Variants in PROB1 observed in about 807,000 individuals in gnomAD.
PROB1 encodes proline rich basic protein 1, also known as proline-rich basic protein 1.
For missense variants in PROB1, 1,453 were observed against 1,485.7 expected (o/e 0.98, Z 0.36); for synonymous variants, 660 against 699.3 (o/e 0.94, Z 0.89).
At position 139,394,717 on chromosome 5, in the gene PROB1, C is replaced by T; in HGVS notation, c.365G>A (p.Gly122Asp). Residue 122 changes from glycine (G) to aspartate (D), a missense_variant, in exon 1 of 1, where the codon GGC becomes GAC. Transcript: ENST00000434752. ...CTCGCGATCGTCTGCGCCGGAGCAG[C>T]CGAACAGGGGTCCGACGCCGAAGAT... ...EVIFGVGPLF[G>D]CSGADDREAQ... The T allele has an allele frequency of 1.3e-6, 2 of 1,532,622 alleles. No individual in the cohort carries two copies. The highest frequency in any genetic ancestry group is 1.7e-6 in the Non-Finnish European group (2 of 1,144,286). The allele number at this position is 1,532,622 out of a possible 1,614,324, so 94.9% of individuals were successfully genotyped here.
Position 139,392,528 on chromosome 5 carries a change from G to T in PROB1, c.2554C>A (p.Arg852Ser). The change falls in exon 1 of 1, where the codon CGC (arginine) becomes AGC (serine). Residue 852 changes from arginine to serine, a missense_variant. Coordinates refer to ENST00000434752, the MANE Select transcript of PROB1 (RefSeq NM_001161546.2). The surrounding 1 kb of genome is among the most constrained non-coding windows in gnomAD (Gnocchi z 5.8). Reference sequence around the variant, plus strand: ...TCCGTGGGAGGCGCCGAGGCAGCGCGGGGCTGGGCTGGGGCCGTCCTGCCC... The same window carrying T: ...TCCGTGGGAGGCGCCGAGGCAGCGCTGGGCTGGGCTGGGGCCGTCCTGCCC... ...LAGRTAPAQP[R>S]AASAPPTDRS... 7.4e-7 allele frequency: 1 copy of T among 1,344,620 alleles called. No individual in the cohort carries two copies. The highest frequency in any genetic ancestry group is 4.1e-5 in the Admixed American group (1 of 24,652). The allele number at this position is 1,344,620 out of a possible 1,614,324, so 83.3% of individuals were successfully genotyped here.
In PROB1 at chr5:139,392,300, G is replaced by A. The variant is rs1312319556; in HGVS notation, c.2782C>T (p.Arg928Cys). Residue 928 changes from arginine (R) to cysteine (C), a missense_variant, in exon 1 of 1, where the codon CGC (arginine) becomes TGC (cysteine). Coordinates refer to ENST00000434752, the MANE Select transcript of PROB1 (RefSeq NM_001161546.2). This position sits in a 1 kb window ranked among gnomAD's most constrained non-coding sequence, Gnocchi z 5.8. ...LPPSSPGPPH[R>C]VYTPLALGLG... is the part of the protein sequence containing the mutation. ...CCCAGGGCCAGAGGGGTGTAGACGC[G>A]GTGGGGCGGCCCGGGAGACGAGGGC... 5 of 1,480,314 alleles carry A rather than the reference G, an allele frequency of 3.4e-6. No individual in the cohort carries two copies. In the East Asian group the frequency reaches 8.1e-5, roughly 24 times the overall value. The allele number at this position is 1,480,314 out of a possible 1,614,324, so 91.7% of individuals were successfully genotyped here.
Position 139,394,215 on chromosome 5 carries a change from G to A in PROB1, c.867C>T (p.His289=). ...PETRETARST[H]VVLEKAKSRP... is the part of the protein sequence containing the mutation. ...GAGACTTAGCCTTCTCCAGGACCAC[G>A]TGGGTGCTGCGGGCCGTTTCCCGGG... The change falls in exon 1 of 1, where the codon CAC becomes CAT. Residue 289 remains histidine, a synonymous_variant. Coordinates refer to ENST00000434752, the MANE Select transcript of PROB1 (RefSeq NM_001161546.2). 2 of 1,548,770 alleles carry A rather than the reference G, an allele frequency of 1.3e-6. No individual in the cohort carries two copies. The highest frequency in any genetic ancestry group is 2.4e-5 in the East Asian group (1 of 40,832).
Position 139,390,649 on chromosome 5 carries a change from A to G in PROB1, c.*1385T>C, listed in dbSNP as rs2152076232. 1 of 152,296 alleles carries G rather than the reference A, an allele frequency of 6.6e-6. No individual in the cohort carries two copies. The highest frequency in any genetic ancestry group is 1.5e-5 in the Non-Finnish European group (1 of 68,006). 9.4% of individuals were successfully genotyped at this position (152,296 alleles called of 1,614,324 possible). ...ATTTATTACACACCAGGATGAGGTA[A>G]AGACACCTGGGGTGGCCCCAGGGCC... On this transcript the variant is annotated 3_prime_UTR_variant, in exon 1 of 1. Transcript: ENST00000434752.
chr5:139,394,761 C>A lies in PROB1; in HGVS notation c.321G>T (p.Pro107=), dbSNP rs1166597267. ...RPPQPQLRTL[P]SGEMEVIFGV... is the part of the protein sequence containing the mutation. ...CGAAGATGACTTCCATCTCCCCCGACGGCAGCGTGCGCAGCTGGGGCTGGG... is the reference window on the plus strand; with the variant it reads ...CGAAGATGACTTCCATCTCCCCCGAAGGCAGCGTGCGCAGCTGGGGCTGGG... Residue 107 remains proline, a synonymous_variant, in exon 1 of 1, where the codon CCG becomes CCT. Transcript: ENST00000434752. 1.3e-6 allele frequency: 2 copies of A among 1,532,472 alleles called. No homozygotes were observed. Among genetic ancestry groups the A allele is most frequent in the Non-Finnish European group, 1.8e-6 (2 of 1,141,776 alleles). The allele number at this position is 1,532,472 out of a possible 1,614,324, so 94.9% of individuals were successfully genotyped here. A position where few individuals can be genotyped will look rare whatever the true frequency, so the allele number is the denominator to read the frequency against.
chr5:139,393,099 G>C lies in PROB1; in HGVS notation c.1983C>G (p.Gly661=). The change falls in exon 1 of 1, where the codon GGC becomes GGG. Residue 661 remains glycine, a synonymous_variant. Transcript: ENST00000434752. ...CTGGCGGCTCTTGCGTCTTGGATTC[G>C]CCGCCCTCCTCCCCGCAGGGGTCGG... ...PPADPCGEEG[G]ESKTQEPPAL... is the part of the protein sequence containing the mutation. The C allele has an allele frequency of 6.6e-7, 1 of 1,522,056 alleles. No homozygotes were observed. The highest frequency in any genetic ancestry group is 2.5e-5 in the East Asian group (1 of 40,528). 94.3% of individuals were successfully genotyped at this position (1,522,056 alleles called of 1,614,324 possible). A position where few individuals can be genotyped will look rare whatever the true frequency, so the allele number is the denominator to read the frequency against.
At position 139,393,419 on chromosome 5, in the gene PROB1, C is replaced by T; in HGVS notation, c.1663G>A (p.Gly555Ser). Residue 555 changes from glycine to serine, a missense_variant, in exon 1 of 1, where the codon GGC becomes AGC. Gly to Ser is a moderately conservative substitution (Grantham distance 56). Coordinates refer to ENST00000434752, the MANE Select transcript of PROB1 (RefSeq NM_001161546.2). The stretch of plus-strand genomic sequence containing the variant: ...TGCATCTCTGTTGGTTCTGGAGTGC[C>T]GGGTGCGGACGGTGTAGGCGGTGCC... ...ELAPPTPSAP[G>S]TPEPTEMQSP... 6.4e-7 allele frequency: 1 copy of T among 1,551,658 alleles called. No homozygotes were observed. Among genetic ancestry groups the T allele is most frequent in the Middle Eastern group, 1.7e-4 (1 of 5,992 alleles).
At position 139,393,281 on chromosome 5, in the gene PROB1, C is replaced by T; in HGVS notation, c.1801G>A (p.Asp601Asn). Residue 601 changes from aspartate to asparagine, a missense_variant, in exon 1 of 1, where the codon GAT (aspartate) becomes AAT (asparagine). By Grantham distance (23) the Asp-to-Asn change is conservative (BLOSUM62 1). Coordinates refer to ENST00000434752, the MANE Select transcript of PROB1 (RefSeq NM_001161546.2). ...GSHPVGTLDA[D>N]KCPEVLGPGE... is the part of the protein sequence containing the mutation. ...GGACCCAAGACTTCCGGGCACTTAT[C>T]CGCGTCCAGGGTGCCCACAGGGTGG... The T allele has an allele frequency of 6.5e-7, 1 of 1,550,112 alleles. No individual in the cohort carries two copies. The highest frequency in any genetic ancestry group is 8.7e-7 in the Non-Finnish European group (1 of 1,146,984).
Position 139,393,740 on chromosome 5 carries a change from C to T in PROB1, c.1342G>A (p.Val448Ile). 6.4e-7 allele frequency: 1 copy of T among 1,551,402 alleles called. No homozygotes were observed. The highest frequency in any genetic ancestry group is 1.2e-5 in the South Asian group (1 of 84,064). Residue 448 changes from valine to isoleucine, a missense_variant, in exon 1 of 1, where the codon GTC becomes ATC. By Grantham distance (29) the Val-to-Ile change is conservative. Coordinates refer to ENST00000434752, the MANE Select transcript of PROB1 (RefSeq NM_001161546.2). ...ENQNPAVEET[V>I]SRRSPSPPIL... The stretch of plus-strand genomic sequence containing the variant: ...GGAGGGGAAGGGCTTCTCCTGCTGA[C>T]AGTTTCCTCGACGGCAGGATTTTGA...
At position 139,393,193 on chromosome 5, in the gene PROB1, A is replaced by C. The variant is rs1561988915; in HGVS notation, c.1889T>G (p.Leu630Trp). The change falls in exon 1 of 1, where the codon TTG (leucine) becomes TGG (tryptophan). Residue 630 changes from leucine to tryptophan, a missense_variant. By Grantham distance (61) the Leu-to-Trp change is moderately conservative (BLOSUM62 -2). Transcript: ENST00000434752. Reference sequence around the variant, plus strand: ...GCCTGGCGCGTACGTGGTCTTCACCAACTTGCGCACGTCTCGAGGCCGCGG... The same window carrying C: ...GCCTGGCGCGTACGTGGTCTTCACCCACTTGCGCACGTCTCGAGGCCGCGG... ...AIPRPRDVRK[L>W]VKTTYAPGFP... 3 of 1,549,546 alleles carry C rather than the reference A, an allele frequency of 1.9e-6. No individual in the cohort carries two copies. The African/African-American group carries it at 4.1e-5, about 21-fold the overall frequency.
At position 139,392,823 on chromosome 5, in the gene PROB1, C is replaced by T; in HGVS notation, c.2259G>A (p.Ala753=). The change falls in exon 1 of 1, where the codon GCG becomes GCA. Residue 753 remains alanine (A), a synonymous_variant. Transcript: ENST00000434752. This position sits in a 1 kb window ranked among gnomAD's most constrained non-coding sequence, Gnocchi z 5.8. ...RRPEVTSRVR[A]RGPGGENRDV... ...CCCTGTTCTCTCCTCCAGGGCCGCG[C>T]GCTCGCACTCGCGAGGTTACCTCGG... is the stretch of plus-strand genomic sequence containing the variant. The T allele has an allele frequency of 6.6e-7, 1 of 1,520,912 alleles. No homozygotes were observed. The highest frequency in any genetic ancestry group is 8.8e-7 in the Non-Finnish European group (1 of 1,132,434). The allele number at this position is 1,520,912 out of a possible 1,614,324, so 94.2% of individuals were successfully genotyped here.
Position 139,392,387 on chromosome 5 carries a change from G to C in PROB1, c.2695C>G (p.Gln899Glu). ...GRYYFVEAPRQPRLRVLFDPE... is the reference protein window; with the variant it reads ...GRYYFVEAPREPRLRVLFDPE... ...TCGAAGAGCACCCGCAGCCGAGGCTGCCGCGGCGCCTCCACAAAGTAGTAG... is the reference window on the plus strand; with the variant it reads ...TCGAAGAGCACCCGCAGCCGAGGCTCCCGCGGCGCCTCCACAAAGTAGTAG... Residue 899 changes from glutamine (Q) to glutamate (E), a missense_variant, in exon 1 of 1, where the codon CAG becomes GAG. Gln to Glu is a conservative substitution (Grantham distance 29, BLOSUM62 2). Coordinates refer to ENST00000434752, the MANE Select transcript of PROB1 (RefSeq NM_001161546.2). The surrounding 1 kb of genome is among the most constrained non-coding windows in gnomAD (Gnocchi z 5.8). The C allele has an allele frequency of 6.6e-7, 1 of 1,520,402 alleles. No individual in the cohort carries two copies. The allele number at this position is 1,520,402 out of a possible 1,614,324, so 94.2% of individuals were successfully genotyped here.
Position 139,394,828 on chromosome 5 carries a change from C to G in PROB1, c.254G>C (p.Gly85Ala), listed in dbSNP as rs1262524373. ...ACCTGGGCCTCGCGGGAAACCCGAG[C>G]CGGGCCCGTGCCGCTGGCGGCTATT... ...AQNSRQRHGP[G>A]SGFPRGPGSG... The change falls in exon 1 of 1, where the codon GGC becomes GCC. Residue 85 changes from glycine to alanine, a missense_variant. Transcript: ENST00000434752. The G allele has an allele frequency of 1.0e-5, 16 of 1,530,760 alleles. No homozygotes were observed. Among genetic ancestry groups the G allele is most frequent in the Non-Finnish European group, 1.4e-5 (16 of 1,138,926 alleles). 94.8% of individuals were successfully genotyped at this position (1,530,760 alleles called of 1,614,324 possible). A position where few individuals can be genotyped will look rare whatever the true frequency, so the allele number is the denominator to read the frequency against.
In PROB1 at chr5:139,393,595, G is replaced by C; in HGVS notation, c.1487C>G (p.Pro496Arg). 1 of 1,550,756 alleles carries C rather than the reference G, an allele frequency of 6.4e-7. No homozygotes were observed. Among genetic ancestry groups the C allele is most frequent in the Non-Finnish European group, 8.7e-7 (1 of 1,146,894 alleles). Reference protein sequence around the residue: ...VADAVEPRSSPSPPAFFPWEA... With the variant: ...VADAVEPRSSRSPPAFFPWEA... Reference sequence around the variant, plus strand: ...CCACGGGAAGAAGGCCGGCGGGGACGGGCTGCTACGTGGCTCCACCGCATC... The same window carrying C: ...CCACGGGAAGAAGGCCGGCGGGGACCGGCTGCTACGTGGCTCCACCGCATC... Residue 496 changes from proline (P) to arginine (R), a missense_variant, in exon 1 of 1, where the codon CCG becomes CGG. Physicochemically the swap from Pro to Arg is moderately radical, Grantham distance 103. Transcript: ENST00000434752.
rs1490664208 is a variant in PROB1, at chr5:139,394,889, C to A, written c.193G>T (p.Ala65Ser). Residue 65 changes from alanine (A) to serine (S), a missense_variant, in exon 1 of 1, where the codon GCG (alanine) becomes TCG (serine). Physicochemically the swap from Ala to Ser is moderately conservative, Grantham distance 99 (BLOSUM62 1). Transcript: ENST00000434752. ...ACGGACAGGCGAGGCTGCGCGCCCG[C>A]CCCCCGCCCAGGAGCCACCCAGGGC... ...NWPWVAPGRG[A>S]GAQPRLSVSA... is the part of the protein sequence containing the mutation. 6.0e-6 allele frequency: 9 copies of A among 1,511,348 alleles called. No individual in the cohort carries two copies. The highest frequency in any genetic ancestry group is 8.0e-6 in the Non-Finnish European group (9 of 1,130,822). 93.6% of individuals were successfully genotyped at this position (1,511,348 alleles called of 1,614,324 possible).
Position 139,394,981 on chromosome 5 carries a change from T to C in PROB1, c.101A>G (p.Tyr34Cys). Residue 34 changes from tyrosine (Y) to cysteine (C), a missense_variant, in exon 1 of 1, where the codon TAC becomes TGC. By Grantham distance (194) the Tyr-to-Cys change is radical (BLOSUM62 -2). Transcript: ENST00000434752. ...CTCCGGAGAACCTGGAGCCGTGTAG[T>C]AGGAGCCTGACGAACCGGAGGAGTC... ...RQDSSGSSGS[Y>C]YTAPGSPEPP... 6.6e-7 allele frequency: 1 copy of C among 1,509,654 alleles called. No individual in the cohort carries two copies. Among genetic ancestry groups the C allele is most frequent in the Non-Finnish European group, 8.8e-7 (1 of 1,131,174 alleles). 93.5% of individuals were successfully genotyped at this position (1,509,654 alleles called of 1,614,324 possible). A position where few individuals can be genotyped will look rare whatever the true frequency, so the allele number is the denominator to read the frequency against.
In PROB1 at chr5:139,391,932, G is replaced by A. The variant is rs182201888; in HGVS notation, c.*102C>T. The A allele has an allele frequency of 2.0e-6, 2 of 986,268 alleles. No individual in the cohort carries two copies. The highest frequency in any genetic ancestry group is 2.7e-6 in the Non-Finnish European group (2 of 745,996). The allele number at this position is 986,268 out of a possible 1,614,324, so 61.1% of individuals were successfully genotyped here. ...CCTGTCCGACGACTGACTGGGATGG[G>A]TTAAAGACAGAGGCGACGGAAGGAG... is the stretch of plus-strand genomic sequence containing the variant. On this transcript the variant is annotated 3_prime_UTR_variant, in exon 1 of 1. Transcript: ENST00000434752. The surrounding 1 kb of genome is among the most constrained non-coding windows in gnomAD (Gnocchi z 4.8).
Position 139,393,599 on chromosome 5 carries a change from T to G in PROB1, c.1483A>C (p.Ser495Arg), listed in dbSNP as rs1000257218. The change falls in exon 1 of 1, where the codon AGC becomes CGC. Residue 495 changes from serine (S) to arginine (R), a missense_variant. By Grantham distance (110) the Ser-to-Arg change is moderately radical (BLOSUM62 -1). Transcript: ENST00000434752. ...AVADAVEPRSSPSPPAFFPWE... is the reference protein window; with the variant it reads ...AVADAVEPRSRPSPPAFFPWE... ...GGGAAGAAGGCCGGCGGGGACGGGC[T>G]GCTACGTGGCTCCACCGCATCCGCG... 2.6e-6 allele frequency: 4 copies of G among 1,550,772 alleles called. No individual in the cohort carries two copies. Among genetic ancestry groups the G allele is most frequent in the Non-Finnish European group, 3.5e-6 (4 of 1,146,898 alleles).
Position 139,393,954 on chromosome 5 carries a change from C to T in PROB1, c.1128G>A (p.Glu376=), listed in dbSNP as rs1041012977. ...TCGGAACCTCCGAGGGGATCCTACACTCAAAAGGCGGACTCCGTGCCCTCT... is the reference window on the plus strand; with the variant it reads ...TCGGAACCTCCGAGGGGATCCTACATTCAAAAGGCGGACTCCGTGCCCTCT... ...TVQRARSPPF[E]CRIPSEVPSR... is the part of the protein sequence containing the mutation. The change falls in exon 1 of 1, where the codon GAG becomes GAA. Residue 376 remains glutamate, a synonymous_variant. Coordinates refer to ENST00000434752, the MANE Select transcript of PROB1 (RefSeq NM_001161546.2). The T allele has an allele frequency of 2.5e-5, 38 of 1,550,658 alleles. No homozygotes were observed. In the Admixed American group the frequency reaches 3.9e-4, roughly 16 times the overall value.
Sources: gnomAD v4.1 joint callset for allele counts on GRCh38, gnomAD v4.1.1 for gene constraint, Gnocchi (gnomAD v3.1) non-coding constraint, MANE v1.5 for transcripts, NCBI Gene and HGNC (gene_info 2026-07-23, HGNC 2026-07-21) for gene names.